AFDN: variants seen among roughly 807,000 people sequenced by gnomAD.
AFDN encodes afadin.
A neutral mutation model predicts 216.6 loss-of-function variants in AFDN; 68 were observed. The ratio of observed to expected loss-of-function variants is 0.31; its 90% CI spans 0.26 to 0.38. The LOEUF is 0.38. Among genes scored for constraint, AFDN ranks in the 10% least tolerant of loss-of-function variants. The probability of loss-of-function intolerance (pLI) is 1.00; values close to 1 mark genes in which losing one functional copy is unlikely to be tolerated. For missense variants in AFDN, 2,136 were observed against 2,342.0 expected (o/e 0.91, Z 1.82); for synonymous variants, 868 against 853.7 (o/e 1.02, Z -0.29).
At chr6:167,922,485 C>T (rs986866926) in intron 21 of AFDN, among the ~76,000 whole-genome samples, 1 of 152,196 alleles carries the variant, frequency 6.6e-6, no homozygotes, top group African/African-American at 2.4e-5. Context: ...TCCCTCTTTT[C>T]TTTCCCTTTG....
At chr6:167,914,533 T>C in intron 17 of AFDN, 111 bp from the exon 18 acceptor site, 1 of 931,642 alleles carries the variant, frequency 1.1e-6, no homozygotes, top group African/African-American at 1.7e-5. Context: ...CCACATTTTT[T>C]TTTTAATGGA....
intron 1 of AFDN, among the ~76,000 whole-genome samples, chr6:167,842,020 GT>G (rs1260738102): frequency 6.6e-6 from 1 of 151,572 alleles, no homozygotes; most frequent in Non-Finnish European, 1.5e-5. Flanking sequence ...CTTTGCTAAA[GT>G]TTTGTAACTC....
chr6:167,964,428 A>G, intron 31 of AFDN: 4 of 1,065,310 alleles, frequency 3.8e-6, no homozygotes, highest in Non-Finnish European at 4.5e-6. Context: ...ATTCTGGTTT[A>G]TTCCTCACTC....
intron 23 of AFDN, among the ~76,000 whole-genome samples, chr6:167,934,208 A>G (rs754272710): frequency 2.6e-5 from 4 of 152,184 alleles, no homozygotes; most frequent in Non-Finnish European, 5.9e-5. Flanking sequence ...GGGAAGAGAT[A>G]GATGTGGTCT....
At chr6:167,960,871 G>T (rs1163435249) in intron 30 of AFDN, among the ~76,000 whole-genome samples, 2 of 152,092 alleles carry the variant, frequency 1.3e-5, no homozygotes, top group Non-Finnish European at 2.9e-5. Context: ...CATCCCTCTT[G>T]GGGTATGGAT....
At chr6:167,898,506 A>G in intron 11 of AFDN, 39 bp downstream of exon 11, 2 of 1,582,548 alleles carry the variant, frequency 1.3e-6, no homozygotes, top group Non-Finnish European at 1.7e-6. Context: ...TGTTTTGATT[A>G]TACTTAAAGT....
At chr6:167,867,242 A>G (rs550567956) in intron 2 of AFDN, among the ~76,000 whole-genome samples, 2 of 152,322 alleles carry the variant, frequency 1.3e-5, no homozygotes, top group South Asian at 2.1e-4. Context: ...AAATTTTGCA[A>G]CAAGAACGAT....
chr6:167,843,153 G>A (rs2187984), intron 1 of AFDN, among the ~76,000 whole-genome samples: 63,684 of 151,652 alleles, frequency 0.42, 14,323 homozygotes, highest in Middle Eastern at 0.54. Context: ...TAGCCTATGT[G>A]CAAATATTAC....
intron 19 of AFDN, among the ~76,000 whole-genome samples, chr6:167,915,735 C>T (rs1356439697): frequency 6.6e-6 from 1 of 152,144 alleles, no homozygotes; most frequent in South Asian, 2.1e-4. Flanking sequence ...GGTGGTGACA[C>T]CAAGCAACTG....
chr6:167,889,019 C>T (rs1010120963), intron 6 of AFDN, among the ~76,000 whole-genome samples, 196 bp from the exon 7 acceptor site: 11 of 151,934 alleles, frequency 7.2e-5, no homozygotes, highest in African/African-American at 2.7e-4. Flanking sequence ...GCCAAATCAG[C>T]TGGCTTAGCT....
At position 167,871,066 on chromosome 6, in the gene AFDN, C is replaced by G. The variant is rs554610570; in HGVS notation, c.414+568C>G. On this transcript the variant is annotated intron_variant, in intron 3 of 33. Transcript: ENST00000683244. ...CATTATGGACAAGTGATAGCAAATG[C>G]AAAGGTTAAGAATATTTTTATGAAA... is the stretch of plus-strand genomic sequence containing the variant. Among the ~76,000 whole-genome samples the G allele has an allele frequency of 3.9e-5, 6 of 152,198 alleles. No homozygotes were observed. In the East Asian group the frequency reaches 1.2e-3, roughly 29 times the overall value.
At chr6:167,935,083 G>A (rs3800530) in intron 23 of AFDN, among the ~76,000 whole-genome samples, 65,144 of 151,592 alleles carry the variant, frequency 0.43, 14,888 homozygotes, top group East Asian at 0.8. Context: ...CTTGTAGCTC[G>A]TTCTACAGGT....
At chr6:167,960,225 G>A (rs1796904413) in intron 30 of AFDN, among the ~76,000 whole-genome samples, 2 of 152,224 alleles carry the variant, frequency 1.3e-5, no homozygotes, top group Non-Finnish European at 2.9e-5. Flanking sequence ...TAGCCAAAGA[G>A]TGGAAAGAAA....
chr6:167,915,271 C>T lies in AFDN; in HGVS notation c.2403C>T (p.Ile801=). 6.8e-6 allele frequency: 11 copies of T among 1,614,250 alleles called. No individual in the cohort carries two copies. Among genetic ancestry groups the T allele is most frequent in the Non-Finnish European group, 9.3e-6 (11 of 1,180,042 alleles). ...IQLFSQLFHF[I]NMWLFNRLVT... ...TCTTCTCTCAGCTCTTCCACTTCAT[C>T]AATATGTGGCTGTTCAATAGATTGG... The change falls in exon 19 of 34, where the codon ATC becomes ATT. Residue 801 remains isoleucine (I), a synonymous_variant. Transcript: ENST00000683244.
At chr6:167,902,283 T>C (rs1236847795) in intron 11 of AFDN, 34 bp from the exon 12 acceptor site, 1 of 1,492,552 alleles carries the variant, frequency 6.7e-7, no homozygotes, top group South Asian at 1.1e-5. Context: ...TGGAATGTTA[T>C]TAAGTCAGTG....
At chr6:167,954,322 T>A (rs1359180014) in intron 30 of AFDN, 1 of 565,838 alleles carries the variant, frequency 1.8e-6, no homozygotes, top group Non-Finnish European at 2.9e-6. Context: ...GTTCTTTACC[T>A]TTCTCATCAA....
chr6:167,958,562 A>G (rs896057898), intron 30 of AFDN, among the ~76,000 whole-genome samples: 1 of 152,246 alleles, frequency 6.6e-6, no homozygotes, highest in Non-Finnish European at 1.5e-5. Context: ...CTCAGAAAAC[A>G]TGAGAACTCA....
chr6:167,899,863 T>C (rs1788728371), intron 11 of AFDN, among the ~76,000 whole-genome samples: 1 of 152,258 alleles, frequency 6.6e-6, no homozygotes, highest in Non-Finnish European at 1.5e-5. Flanking sequence ...CTAGTGTTAC[T>C]GTCCATCTCT....
chr6:167,827,316 G>T, intron 1 of AFDN, 79 bp downstream of exon 1: 2 of 414,090 alleles, frequency 4.8e-6, no homozygotes, highest in Non-Finnish European at 5.8e-6. Flanking sequence ...GCCGCCGCCC[G>T]CCAGCCGCGG....
Sources: gnomAD v4.1 joint callset for allele counts (sites outside exome capture counted in the v4.1 genomes callset) on GRCh38, gnomAD v4.1.1 for gene constraint, MANE v1.5 for transcripts, NCBI Gene and HGNC (gene_info 2026-07-23, HGNC 2026-07-21) for gene names.